Variants in SPMAP1 observed in about 807,000 individuals in gnomAD.
SPMAP1 encodes uncharacterized protein C17orf98.
chr17:38,838,744 AG>A, the SPMAP1 span, among the ~76,000 whole-genome samples: 1 of 152,174 alleles, frequency 6.6e-6, no homozygotes, highest in Non-Finnish European at 1.5e-5. Flanking sequence ...CTGCACTTCC[AG>A]CCTGTGTGAC....
chr17:38,840,618 A>AG, the SPMAP1 span, among the ~76,000 whole-genome samples: 1 of 6,196 alleles, frequency 1.6e-4, no homozygotes, highest in African/African-American at 5.3e-4. Flanking sequence ...CCCTCTCTAC[A>AG]AAAAAAAAAA....
At chr17:38,839,625 T>C in the SPMAP1 span, among the ~76,000 whole-genome samples, 5 of 151,892 alleles carry the variant, frequency 3.3e-5, 1 homozygote, top group East Asian at 9.7e-4. Context: ...GTCTCTACTA[T>C]TTTTTGTAAA....
At chr17:38,840,714 G>C in the SPMAP1 span, among the ~76,000 whole-genome samples, 1 of 151,588 alleles carries the variant, frequency 6.6e-6, no homozygotes, top group Admixed American at 6.6e-5. Context: ...GCTGAGGTGG[G>C]AAGGTTGCTT....
At chr17:38,838,815 T>G in the SPMAP1 span, among the ~76,000 whole-genome samples, 1 of 151,166 alleles carries the variant, frequency 6.6e-6, no homozygotes, top group Non-Finnish European at 1.5e-5. Flanking sequence ...CCGGGTGCGG[T>G]GGCCCACGCC....
the SPMAP1 span, chr17:38,841,237 G>A: frequency 1.9e-6 from 3 of 1,614,182 alleles, no homozygotes; most frequent in Non-Finnish European, 2.5e-6. Context: ...AGTAGCTGCG[G>A]GCGTGGTAGT....
the SPMAP1 span, among the ~76,000 whole-genome samples, chr17:38,839,690 C>T: frequency 6.6e-6 from 1 of 151,658 alleles, no homozygotes; most frequent in South Asian, 2.1e-4. Context: ...GTCCCAGCTA[C>T]TTGGGAGGCT....
At chr17:38,838,491 T>G in the SPMAP1 span, among the ~76,000 whole-genome samples, 6 of 151,900 alleles carry the variant, frequency 3.9e-5, no homozygotes, top group Non-Finnish European at 1.5e-5. Context: ...TCCCAGCTAC[T>G]CAGGAGGCTG....
chr17:38,840,606 C>T, the SPMAP1 span, among the ~76,000 whole-genome samples: 1 of 104,450 alleles, frequency 9.6e-6, no homozygotes, highest in African/African-American at 3.8e-5. Context: ...CATGGCGAGA[C>T]CCCCTCTCTA....
the SPMAP1 span, chr17:38,835,495 T>C: frequency 2.7e-4 from 227 of 846,910 alleles, no homozygotes; most frequent in African/African-American, 3.5e-3. Context: ...CCTGAGACTC[T>C]GGGCTGAAAA....
chr17:38,840,617 CAAAAAAAAAAAAAAAAAAAAAA>C, the SPMAP1 span, among the ~76,000 whole-genome samples: 45 of 48,704 alleles, frequency 9.2e-4, no homozygotes, highest in African/African-American at 8.1e-4. Context: ...CCCCTCTCTA[CAAAAAAAAAAAAAAAAAAAAAA>C]AAAAAAAAAA....
At chr17:38,838,283 T>C in the SPMAP1 span, among the ~76,000 whole-genome samples, 1 of 152,060 alleles carries the variant, frequency 6.6e-6, no homozygotes, top group Non-Finnish European at 1.5e-5. Context: ...CTACCACAAA[T>C]GGTGGTTTTG....
chr17:38,835,294 T>G, the SPMAP1 span: 18 of 1,613,952 alleles, frequency 1.1e-5, no homozygotes, highest in Non-Finnish European at 1.4e-5. Flanking sequence ...CATCGATCGG[T>G]TTCAGATCAG....
the SPMAP1 span, among the ~76,000 whole-genome samples, chr17:38,838,567 T>C: frequency 6.6e-6 from 1 of 151,758 alleles, no homozygotes. Context: ...GCCACTGCAC[T>C]CCAGCCTGGG....
the SPMAP1 span, chr17:38,841,433 G>A: frequency 6.3e-7 from 1 of 1,582,568 alleles, no homozygotes; most frequent in Admixed American, 1.7e-5. Context: ...TGGGGGATGA[G>A]GACCCTAGAT....
chr17:38,836,598 T>TC, the SPMAP1 span, among the ~76,000 whole-genome samples: 1 of 141,068 alleles, frequency 7.1e-6, no homozygotes, highest in Admixed American at 7.1e-5. Flanking sequence ...TTTTTTTTTT[T>TC]TTTTTTTTTT....
At chr17:38,837,584 G>A in the SPMAP1 span, among the ~76,000 whole-genome samples, 9 of 151,380 alleles carry the variant, frequency 5.9e-5, no homozygotes, top group African/African-American at 1.7e-4. Flanking sequence ...AGGCTGAGGC[G>A]GTACAATTGC....
the SPMAP1 span, among the ~76,000 whole-genome samples, chr17:38,836,611 G>C: frequency 1.9e-5 from 2 of 106,446 alleles, no homozygotes; most frequent in African/African-American, 3.8e-5. Context: ...TTTTTTTTGA[G>C]ATGGAGTCTC....
the SPMAP1 span, chr17:38,837,285 A>C: frequency 2.3e-6 from 3 of 1,322,962 alleles, no homozygotes; most frequent in Non-Finnish European, 3.3e-6. Context: ...TGTCAGCCAC[A>C]ATGCTGAGGG....
the SPMAP1 span, chr17:38,835,464 G>T: frequency 1.9e-6 from 2 of 1,069,556 alleles, no homozygotes; most frequent in Non-Finnish European, 1.4e-6. Flanking sequence ...TCCCCATGCT[G>T]AACACGCAAT....
Sources: allele counts gnomAD v4.1 joint callset (sites outside exome capture counted in the v4.1 genomes callset), GRCh38; gene constraint gnomAD v4.1.1; transcripts MANE v1.5; gene names NCBI Gene and HGNC (gene_info 2026-07-23, HGNC 2026-07-21).